Variants in GRM1 observed in about 807,000 individuals in gnomAD.
The protein encoded by GRM1 is metabotropic glutamate receptor 1.
In GRM1, 33 loss-of-function variants were observed where a neutral mutation model predicts 90.9. The ratio of observed to expected loss-of-function variants is 0.36; its 90% CI spans 0.28 to 0.49. The LOEUF (loss-of-function observed/expected upper bound fraction) is 0.49. GRM1 is among the 20% of genes least tolerant of loss of function. GRM1 has a pLI of 0.99. For synonymous variants in GRM1, 700 were observed against 613.2 expected (o/e 1.14, Z -2.09); for missense variants, 1,190 against 1,534.3 (o/e 0.78, Z 3.75).
intron 1 of GRM1, among the ~76,000 whole-genome samples, chr6:146,085,246 T>C (rs1279683163): frequency 3.3e-5 from 5 of 152,052 alleles, no homozygotes; most frequent in Non-Finnish European, 7.4e-5. Flanking sequence ...AAATACATTA[T>C]AAATAAAATT....
intron 2 of GRM1, among the ~76,000 whole-genome samples, chr6:146,274,016 G>T (rs1181999758): frequency 6.6e-6 from 1 of 152,202 alleles, no homozygotes; most frequent in Non-Finnish European, 1.5e-5. Flanking sequence ...GTATTACAGA[G>T]TCCATCACTC....
chr6:146,134,379 C>T (rs889416157), intron 1 of GRM1, among the ~76,000 whole-genome samples: 1 of 152,166 alleles, frequency 6.6e-6, no homozygotes, highest in Non-Finnish European at 1.5e-5. Flanking sequence ...ATTACAAACT[C>T]TCATATGGTA....
intron 7 of GRM1, 48 bp from the exon 8 acceptor site, chr6:146,433,824 G>C (rs1778499418): frequency 7.8e-7 from 1 of 1,281,026 alleles, no homozygotes; most frequent in Non-Finnish European, 1.1e-6. Flanking sequence ...ATTTTATCCT[G>C]TGTGCATGAT....
chr6:146,360,330 TTATAAA>T (rs1165323878), intron 5 of GRM1, among the ~76,000 whole-genome samples: 8 of 152,052 alleles, frequency 5.3e-5, no homozygotes, highest in Admixed American at 4.6e-4. Flanking sequence ...TAAATATATC[TTATAAA>T]TATAATATCT....
intron 1 of GRM1, among the ~76,000 whole-genome samples, chr6:146,115,256 AC>A (rs1775700929): frequency 6.6e-6 from 1 of 151,952 alleles, no homozygotes; most frequent in Non-Finnish European, 1.5e-5. Flanking sequence ...ACATATATAT[AC>A]ATATACTATA....
intron 2 of GRM1, among the ~76,000 whole-genome samples, chr6:146,292,774 C>CA (rs1783033843): frequency 6.6e-6 from 1 of 151,682 alleles, no homozygotes; most frequent in African/African-American, 2.4e-5. Flanking sequence ...GATACATAAC[C>CA]AAAAGATTTG....
At chr6:146,354,037 A>C (rs1284579944) in intron 4 of GRM1, among the ~76,000 whole-genome samples, 2 of 152,176 alleles carry the variant, frequency 1.3e-5, no homozygotes, top group Non-Finnish European at 2.9e-5. Flanking sequence ...GCACTTAGGG[A>C]GTACCTTGTG....
intron 3 of GRM1, among the ~76,000 whole-genome samples, chr6:146,338,958 G>A (rs978680816): frequency 1.3e-5 from 2 of 152,080 alleles, no homozygotes; most frequent in African/African-American, 4.8e-5. Flanking sequence ...TCTTCCCTGG[G>A]ATGCCACAGT....
intron 2 of GRM1, among the ~76,000 whole-genome samples, chr6:146,180,629 G>A (rs1009069888): frequency 6.6e-6 from 1 of 152,016 alleles, no homozygotes. Flanking sequence ...TTGCAACCTT[G>A]ATCATTTTTC....
chr6:146,076,305 A>G (rs566784300), intron 1 of GRM1, among the ~76,000 whole-genome samples: 2 of 152,264 alleles, frequency 1.3e-5, no homozygotes, highest in South Asian at 4.1e-4. Flanking sequence ...AGCTTTAGGG[A>G]TTTGATTTAT....
In GRM1 at chr6:146,116,820, G is replaced by A. The variant is rs1263625051; in HGVS notation, c.701-42528G>A. Among the ~76,000 whole-genome samples, 4 of 151,626 alleles carry A rather than the reference G, an allele frequency of 2.6e-5. No homozygotes were observed. In the East Asian group the frequency reaches 7.8e-4, roughly 29 times the overall value. On this transcript the variant is annotated intron_variant, in intron 1 of 7. Transcript: ENST00000282753. ...ATGAAAAATTTCCAACTTTTGTTTTGTCAATGTGAAAATTTACATTATTTT... is the reference window on the plus strand; with the variant it reads ...ATGAAAAATTTCCAACTTTTGTTTTATCAATGTGAAAATTTACATTATTTT...
intron 2 of GRM1, among the ~76,000 whole-genome samples, chr6:146,259,412 C>G (rs1250236958): frequency 3.9e-5 from 6 of 152,134 alleles, no homozygotes; most frequent in African/African-American, 1.2e-4. Context: ...ATGTTTAGAA[C>G]TTATTCATTT....
chr6:146,194,116 A>G (rs1779030033), intron 2 of GRM1, among the ~76,000 whole-genome samples: 1 of 152,064 alleles, frequency 6.6e-6, no homozygotes, highest in South Asian at 2.1e-4. Context: ...TTTAATTTGC[A>G]TATCTCTCAT....
intron 1 of GRM1, among the ~76,000 whole-genome samples, chr6:146,150,061 A>G (rs891193722): frequency 1.3e-5 from 2 of 152,052 alleles, no homozygotes; most frequent in African/African-American, 4.8e-5. Flanking sequence ...AACCCATAAC[A>G]TTTTCTAGGT....
chr6:146,153,172 T>G (rs764319292), intron 1 of GRM1, among the ~76,000 whole-genome samples: 2 of 152,220 alleles, frequency 1.3e-5, no homozygotes, highest in Non-Finnish European at 2.9e-5. Flanking sequence ...CGACACTTTC[T>G]TTAGACAGTT....
At chr6:146,153,486 C>A (rs1336470651) in intron 1 of GRM1, among the ~76,000 whole-genome samples, 1 of 152,072 alleles carries the variant, frequency 6.6e-6, no homozygotes, top group Non-Finnish European at 1.5e-5. Context: ...AAGTTTGGAG[C>A]CTTTTAGGTA....
chr6:146,417,564 T>C (rs776842111), intron 7 of GRM1, among the ~76,000 whole-genome samples: 31 of 152,190 alleles, frequency 2.0e-4, no homozygotes, highest in Non-Finnish European at 1.6e-4. Context: ...TCAGGTTCCA[T>C]GTGTGATGAC....
intron 2 of GRM1, among the ~76,000 whole-genome samples, chr6:146,196,317 G>A (rs1481300286): frequency 7.0e-6 from 1 of 142,610 alleles, no homozygotes. Flanking sequence ...TGACGGAGTC[G>A]CTCTCTGTCG....
intron 2 of GRM1, among the ~76,000 whole-genome samples, chr6:146,223,781 G>A (rs747449978): frequency 1.3e-5 from 2 of 152,040 alleles, no homozygotes; most frequent in South Asian, 4.1e-4. Flanking sequence ...GTTTACATTT[G>A]CAGTCTTCAT....
Sources: allele counts gnomAD v4.1 joint callset (sites outside exome capture counted in the v4.1 genomes callset), GRCh38; gene constraint gnomAD v4.1.1; transcripts MANE v1.5; gene names NCBI Gene and HGNC (gene_info 2026-07-23, HGNC 2026-07-21).